Variants in FMNL1 observed in about 807,000 individuals in gnomAD.
FMNL1 encodes formin like 1.
FMNL1 carries 43 observed loss-of-function variants against 121.3 expected under a neutral mutation model. The observed-to-expected ratio is 0.35, with a 90% confidence interval of 0.28 to 0.46. The LOEUF (loss-of-function observed/expected upper bound fraction) is 0.46, where lower values mean the gene tolerates loss of function less well. Ranked by LOEUF, FMNL1 falls within the 20% of genes least tolerant of loss-of-function variation. The pLI is 1.00. For missense variants in FMNL1, 1,191 were observed against 1,482.4 expected (o/e 0.80, Z 3.23); for synonymous variants, 613 against 613.5 (o/e 1.00, Z 0.01).
Position 45,233,256 on chromosome 17 carries a change from G to T in FMNL1, c.360G>T (p.Val120=). Residue 120 remains valine (V), a synonymous_variant, in exon 4 of 27, where the codon GTG becomes GTT. Transcript: ENST00000331495. The surrounding 1 kb of genome is among the most constrained non-coding windows in gnomAD (Gnocchi z 4.1). ...FKRRVQESTQ[V]LRELETSLRT... ...GGCGAGTTCAGGAGTCCACGCAGGT[G>T]CTACGGGAGCTGGAGACCTCCCTGA... 1 of 1,561,594 alleles carries T rather than the reference G, an allele frequency of 6.4e-7. No homozygotes were observed. Among genetic ancestry groups the T allele is most frequent in the Non-Finnish European group, 8.7e-7 (1 of 1,153,124 alleles).
In FMNL1 at chr17:45,245,747, G is replaced by A; in HGVS notation, c.2994+14G>A. The stretch of plus-strand genomic sequence containing the variant: ...AAGGCCTACAAGGTATTCGGGTCTG[G>A]GGCAGGCTGGGAGCCCTGTAGGGCA... On this transcript the variant is annotated intron_variant, in intron 23 of 26. Coordinates refer to ENST00000331495, the MANE Select transcript of FMNL1 (RefSeq NM_005892.4). 6.2e-7 allele frequency: 1 copy of A among 1,614,000 alleles called. No individual in the cohort carries two copies. The highest frequency in any genetic ancestry group is 8.5e-7 in the Non-Finnish European group (1 of 1,179,914).
At position 45,232,432 on chromosome 17, in the gene FMNL1, T is replaced by C; in HGVS notation, c.279T>C (p.Thr93=). 3 of 1,614,110 alleles carry C rather than the reference T, an allele frequency of 1.9e-6. No homozygotes were observed. Among genetic ancestry groups the C allele is most frequent in the Non-Finnish European group, 2.5e-6 (3 of 1,179,976 alleles). The change falls in exon 3 of 27, where the codon ACT becomes ACC. Residue 93 remains threonine, a synonymous_variant. Coordinates refer to ENST00000331495, the MANE Select transcript of FMNL1 (RefSeq NM_005892.4). ...AGAAGCTGAAGAGCTATGTGGATAC[T>C]GGTGGGGTCAGCCGAAAGGTAGCAG... ...YIQKLKSYVD[T]GGVSRKVAAD...
At chr17:45,239,789 C>T (rs1445237188) in intron 11 of FMNL1, among the ~76,000 whole-genome samples, 3 of 143,988 alleles carry the variant, frequency 2.1e-5, no homozygotes, top group Non-Finnish European at 3.0e-5. Flanking sequence ...CAAAAGGTCA[C>T]GTACTCTATG....
chr17:45,233,488 C>T lies in FMNL1; in HGVS notation c.402-160C>T, dbSNP rs2043483945. ...CTCTGACTGGCACCTTGAGGCATGG[C>T]TGGGCTGTGGGACCCACCTGAGTCT... On this transcript the variant is annotated intron_variant, in intron 4 of 26. Transcript: ENST00000331495. The surrounding 1 kb of genome is among the most constrained non-coding windows in gnomAD (Gnocchi z 4.1). Among the ~76,000 whole-genome samples, 1 of 152,120 alleles carries T rather than the reference C, an allele frequency of 6.6e-6. No individual in the cohort carries two copies. Among genetic ancestry groups the T allele is most frequent in the African/African-American group, 2.4e-5 (1 of 41,424 alleles).
At chr17:45,242,991 G>A in intron 16 of FMNL1, 127 bp from the exon 17 acceptor site, 1 of 1,024,282 alleles carries the variant, frequency 9.8e-7, no homozygotes, top group Non-Finnish European at 1.4e-6. Flanking sequence ...CTGTGGTCAG[G>A]CTGGGTTACT....
rs201291983 is a variant in FMNL1, at chr17:45,245,460, C to T, written c.2892+44C>T. On this transcript the variant is annotated intron_variant, in intron 22 of 26. Coordinates refer to ENST00000331495, the MANE Select transcript of FMNL1 (RefSeq NM_005892.4). ...CACCTGGAGGTGGGGCATGTAGGAG[C>T]ACTAGATAGCACAGCCTGGAGGGGT... 37 of 1,612,766 alleles carry T rather than the reference C, an allele frequency of 2.3e-5. No individual in the cohort carries two copies. The African/African-American group carries it at 4.7e-4, about 20-fold the overall frequency.
chr17:45,224,344 C>T (rs761847736), intron 1 of FMNL1, among the ~76,000 whole-genome samples: 6 of 152,046 alleles, frequency 3.9e-5, no homozygotes, highest in African/African-American at 7.3e-5. Flanking sequence ...TCAGGTCTGG[C>T]AGTGTGTATC....
rs1382191784 is a variant in FMNL1 at position 45,237,929 on chromosome 17, T to A, written c.894+290T>A. Reference sequence around the variant, plus strand: ...CTTGCCAGATCCAAACTAGCCTTGGTTCATACCTCCAGGAGTTGCGGACTC... The same window carrying A: ...CTTGCCAGATCCAAACTAGCCTTGGATCATACCTCCAGGAGTTGCGGACTC... On this transcript the variant is annotated intron_variant, in intron 9 of 26. Coordinates refer to ENST00000331495, the MANE Select transcript of FMNL1 (RefSeq NM_005892.4). This position sits in a 1 kb window ranked among gnomAD's most constrained non-coding sequence, Gnocchi z 4.4. 5.5e-6 allele frequency: 2 copies of A among 362,608 alleles called. No individual in the cohort carries two copies. The highest frequency in any genetic ancestry group is 1.0e-5 in the Non-Finnish European group (2 of 194,056). The allele number at this position is 362,608 out of a possible 1,614,324, so 22.5% of individuals were successfully genotyped here.
chr17:45,243,186 C>T lies in FMNL1; in HGVS notation c.2079C>T (p.Ser693=), dbSNP rs779599301. The change falls in exon 17 of 27, where the codon AGC becomes AGT. Residue 693 remains serine (S), a synonymous_variant. Coordinates refer to ENST00000331495, the MANE Select transcript of FMNL1 (RefSeq NM_005892.4). ...TKSQGPSLDL[S]ALKSKAAQKA... is the part of the protein sequence containing the mutation. ...CCCAAGGCCCCAGCCTGGACCTCAG[C>T]GCTCTCAAGAGTAAGGCAGCCCAGA... The T allele has an allele frequency of 3.4e-5, 55 of 1,614,236 alleles. No individual in the cohort carries two copies. The East Asian group carries it at 5.1e-4, about 15-fold the overall frequency.
chr17:45,225,210 G>A (rs995350345), intron 1 of FMNL1, among the ~76,000 whole-genome samples: 7 of 152,234 alleles, frequency 4.6e-5, no homozygotes, highest in African/African-American at 1.7e-4. Flanking sequence ...CAGAGGCCTG[G>A]GTGCCTGGCC....
chr17:45,226,545 C>T lies in FMNL1; in HGVS notation c.130-4059C>T, dbSNP rs186462310. On this transcript the variant is annotated intron_variant, in intron 1 of 26. Transcript: ENST00000331495. Reference sequence around the variant, plus strand: ...CTTGCTAGCTTGCCACCGAGGCCACCCTGGGCAAGCACCTTAACCTCCTTG... The same window carrying T: ...CTTGCTAGCTTGCCACCGAGGCCACTCTGGGCAAGCACCTTAACCTCCTTG... 1.4e-4 allele frequency among the ~76,000 whole-genome samples: 22 copies of T among 152,252 alleles called. No individual in the cohort carries two copies. The East Asian group carries it at 3.9e-3, about 27-fold the overall frequency.
At chr17:45,242,529 G>T in intron 16 of FMNL1, 64 bp downstream of exon 16, 1 of 1,568,900 alleles carries the variant, frequency 6.4e-7, no homozygotes, top group Non-Finnish European at 8.7e-7. Flanking sequence ...CCTGGATCAG[G>T]CTGGGCCCTG....
At chr17:45,234,300 G>T (rs761172187) in intron 6 of FMNL1, 100 bp downstream of exon 6, 1 of 1,592,682 alleles carries the variant, frequency 6.3e-7, no homozygotes, top group East Asian at 2.3e-5. Context: ...GTTGGCGAGA[G>T]GGGTAGCCAT....
At position 45,232,394 on chromosome 17, in the gene FMNL1, G is replaced by A. The variant is rs759417988; in HGVS notation, c.241G>A (p.Ala81Thr). 39 of 1,613,568 alleles carry A rather than the reference G, an allele frequency of 2.4e-5. No homozygotes were observed. In the East Asian group the frequency reaches 7.4e-4, roughly 30 times the overall value. ...GCGGTTTCAAGTCAAGAATCCCCCC[G>A]CAGCCTACATCCAGAAGCTGAAGAG... ...QERFQVKNPPAAYIQKLKSYV... is the reference protein window; with the variant it reads ...QERFQVKNPPTAYIQKLKSYV... Residue 81 changes from alanine to threonine, a missense_variant, in exon 3 of 27, where the codon GCA (alanine) becomes ACA (threonine). Physicochemically the swap from Ala to Thr is moderately conservative, Grantham distance 58. Coordinates refer to ENST00000331495, the MANE Select transcript of FMNL1 (RefSeq NM_005892.4).
chr17:45,241,573 G>A lies in FMNL1; in HGVS notation c.1524G>A (p.Val508=), dbSNP rs1283093269. 1.3e-6 allele frequency: 2 copies of A among 1,566,474 alleles called. No individual in the cohort carries two copies. Among genetic ancestry groups the A allele is most frequent in the African/African-American group, 1.4e-5 (1 of 74,068 alleles). Reference sequence around the variant, plus strand: ...CCATCGAGATCCTCCCCGTCGCTGTGGCAACTCCGAGCGGCGGTGATGCTC... The same window carrying A: ...CCATCGAGATCCTCCCCGTCGCTGTAGCAACTCCGAGCGGCGGTGATGCTC... ...AVSIEILPVA[V]ATPSGGDAPT... Residue 508 remains valine, a synonymous_variant, in exon 14 of 27, where the codon GTG becomes GTA. Coordinates refer to ENST00000331495, the MANE Select transcript of FMNL1 (RefSeq NM_005892.4). The surrounding 1 kb of genome is among the most constrained non-coding windows in gnomAD (Gnocchi z 7.0).
chr17:45,245,187 T>C, intron 21 of FMNL1, 66 bp from the exon 22 acceptor site: 1 of 1,612,398 alleles, frequency 6.2e-7, no homozygotes, highest in East Asian at 2.2e-5. Flanking sequence ...GGGGCCACAG[T>C]ATATAATTGG....
Position 45,241,852 on chromosome 17 carries a change from G to A in FMNL1, c.1591G>A (p.Ala531Thr). Residue 531 changes from alanine (A) to threonine (T), a missense_variant, in exon 15 of 27, where the codon GCA (alanine) becomes ACA (threonine). Physicochemically the swap from Ala to Thr is moderately conservative, Grantham distance 58. Coordinates refer to ENST00000331495, the MANE Select transcript of FMNL1 (RefSeq NM_005892.4). This position sits in a 1 kb window ranked among gnomAD's most constrained non-coding sequence, Gnocchi z 7.0. ...CCGCGCCCTCGCTGGCTCAGATCTC[G>A]CACCTGCAGCAGAGCCGGCTCCCGG... ...VPTGSPSPDL[A>T]PAAEPAPGAA... 7.0e-7 allele frequency: 1 copy of A among 1,430,502 alleles called. No individual in the cohort carries two copies. The highest frequency in any genetic ancestry group is 9.1e-7 in the Non-Finnish European group (1 of 1,101,626). 88.6% of individuals were successfully genotyped at this position (1,430,502 alleles called of 1,614,324 possible).
intron 6 of FMNL1, chr17:45,234,416 G>A (rs2043507805): frequency 5.8e-6 from 4 of 691,284 alleles, no homozygotes; most frequent in Non-Finnish European, 9.4e-6. Flanking sequence ...TGTAATCCCA[G>A]CACTTTGGGA....
intron 17 of FMNL1, among the ~76,000 whole-genome samples, chr17:45,243,584 G>A (rs569077207): frequency 2.6e-5 from 4 of 152,378 alleles, no homozygotes; most frequent in East Asian, 1.9e-4. Context: ...CGCCGCTGAC[G>A]TACGATGGGG....
Sources: gnomAD v4.1 joint callset for allele counts (sites outside exome capture counted in the v4.1 genomes callset) on GRCh38, gnomAD v4.1.1 for gene constraint, Gnocchi (gnomAD v3.1) non-coding constraint, MANE v1.5 for transcripts, NCBI Gene and HGNC (gene_info 2026-07-23, HGNC 2026-07-21) for gene names.